SPAG16: variants seen among roughly 807,000 people sequenced by gnomAD.
The protein encoded by SPAG16 is sperm-associated antigen 16 protein.
In SPAG16, 86 loss-of-function variants were observed where a neutral mutation model predicts 80.4. The observed-to-expected ratio is 1.07, with a 90% CI of 0.90 to 1.28. The LOEUF (loss-of-function observed/expected upper bound fraction) is 1.28, where lower values mean the gene tolerates loss of function less well. SPAG16 is among the 50% of genes most tolerant of loss of function. The probability of loss-of-function intolerance (pLI) is 0.00; values close to 1 mark genes in which losing one functional copy is unlikely to be tolerated. For synonymous variants in SPAG16, 294 were observed against 265.9 expected, an observed-to-expected ratio of 1.11 and a Z score of -1.03; for missense variants, 870 against 765.3, an observed-to-expected ratio of 1.14 and a Z score of -1.61.
At chr2:213,975,458 T>C (rs2045319502) in intron 12 of SPAG16, among the ~76,000 whole-genome samples, 1 of 151,810 alleles carries the variant, frequency 6.6e-6, no homozygotes, top group African/African-American at 2.4e-5. Context: ...ATAATTTTAA[T>C]ATGTAATTAT....
At chr2:214,065,173 A>C (rs2050473816) in intron 13 of SPAG16, among the ~76,000 whole-genome samples, 1 of 152,092 alleles carries the variant, frequency 6.6e-6, no homozygotes, top group Non-Finnish European at 1.5e-5. Flanking sequence ...TAGAATCAAC[A>C]CTTATATATT....
chr2:214,395,461 T>A (rs995341003), intron 15 of SPAG16, among the ~76,000 whole-genome samples: 1 of 152,212 alleles, frequency 6.6e-6, no homozygotes, highest in African/African-American at 2.4e-5. Context: ...TCTTTTCATA[T>A]GCTTATTCAC....
At chr2:213,907,385 T>C (rs145420888) in intron 11 of SPAG16, among the ~76,000 whole-genome samples, 300 of 151,992 alleles carry the variant, frequency 2.0e-3, no homozygotes, top group African/African-American at 6.9e-3. Flanking sequence ...ATAAAAATGC[T>C]GGTGAGAATG....
At chr2:213,672,833 TTTTG>T (rs1553606271) in intron 10 of SPAG16, among the ~76,000 whole-genome samples, 1 of 151,580 alleles carries the variant, frequency 6.6e-6, no homozygotes, top group Non-Finnish European at 1.5e-5. Context: ...ATCAGTTTTT[TTTTG>T]TTTGTTTGTT....
intron 11 of SPAG16, among the ~76,000 whole-genome samples, chr2:213,867,311 G>T (rs549365235): frequency 2.6e-5 from 4 of 152,136 alleles, no homozygotes; most frequent in Non-Finnish European, 5.9e-5. Context: ...ATCAATGCAG[G>T]GAATGTGCAT....
At chr2:213,349,216 TTAAATGCTTATTTTAGAAAA>T (rs1373846580) in intron 6 of SPAG16, among the ~76,000 whole-genome samples, 12 of 152,220 alleles carry the variant, frequency 7.9e-5, no homozygotes, top group African/African-American at 2.9e-4. Context: ...ATTGATGGCT[TTAAATGCTTATTTTAGAAAA>T]TAAAGTTTTA....
chr2:214,064,338 A>G (rs2050429529), intron 13 of SPAG16, among the ~76,000 whole-genome samples: 1 of 152,120 alleles, frequency 6.6e-6, no homozygotes, highest in Non-Finnish European at 1.5e-5. Context: ...TAATTTAAAA[A>G]TACTTATAGG....
intron 12 of SPAG16, among the ~76,000 whole-genome samples, chr2:213,949,360 C>G (rs1342535881): frequency 6.6e-6 from 1 of 151,504 alleles, no homozygotes; most frequent in Non-Finnish European, 1.5e-5. Flanking sequence ...GTAGAGATGG[C>G]ATTTCACCAT....
At chr2:213,565,869 G>T (rs73988550) in intron 10 of SPAG16, among the ~76,000 whole-genome samples, 1 of 152,180 alleles carries the variant, frequency 6.6e-6, no homozygotes, top group African/African-American at 2.4e-5. Flanking sequence ...TCAAAGCAAT[G>T]ATAACGATTG....
intron 13 of SPAG16, among the ~76,000 whole-genome samples, chr2:214,059,186 CTATATA>C (rs36006046): frequency 7.4e-4 from 85 of 114,360 alleles, no homozygotes; most frequent in African/African-American, 2.3e-3. Context: ...CTCTCTCTGT[CTATATA>C]TATATATATA....
chr2:213,412,180 C>G (rs1478121632), intron 9 of SPAG16, among the ~76,000 whole-genome samples: 2 of 152,146 alleles, frequency 1.3e-5, no homozygotes, highest in Non-Finnish European at 2.9e-5. Context: ...CTAACTCATT[C>G]CAATTACCTG....
At chr2:213,363,026 A>C (rs2066073437) in intron 7 of SPAG16, among the ~76,000 whole-genome samples, 1 of 149,586 alleles carries the variant, frequency 6.7e-6, no homozygotes, top group East Asian at 2.0e-4. Flanking sequence ...CCTAAAAACT[A>C]GTTGTAAGGT....
At chr2:213,734,361 C>A (rs2067193242) in intron 10 of SPAG16, among the ~76,000 whole-genome samples, 2 of 152,176 alleles carry the variant, frequency 1.3e-5, no homozygotes, top group Middle Eastern at 3.4e-3. Context: ...TCTCTCCCCA[C>A]CAAACCAAGA....
At chr2:213,860,592 G>T (rs764967023) in intron 10 of SPAG16, among the ~76,000 whole-genome samples, 13 of 151,634 alleles carry the variant, frequency 8.6e-5, no homozygotes, top group Non-Finnish European at 1.3e-4. Context: ...TGGAATAGGA[G>T]TCCAAGTTGT....
At chr2:213,584,525 T>A (rs549088757) in intron 10 of SPAG16, among the ~76,000 whole-genome samples, 1 of 151,978 alleles carries the variant, frequency 6.6e-6, no homozygotes, top group South Asian at 2.1e-4. Context: ...ACTATTTGAT[T>A]GAGGTAGTAT....
At chr2:214,314,935 G>A (rs1366222668) in intron 15 of SPAG16, among the ~76,000 whole-genome samples, 1 of 150,494 alleles carries the variant, frequency 6.6e-6, no homozygotes, top group Non-Finnish European at 1.5e-5. Flanking sequence ...TAGTGGAGAA[G>A]GTTAAACCAA....
intron 12 of SPAG16, among the ~76,000 whole-genome samples, chr2:213,953,851 A>G (rs923346274): frequency 2.6e-5 from 4 of 152,066 alleles, no homozygotes; most frequent in Non-Finnish European, 2.9e-5. Flanking sequence ...AAATGAACCA[A>G]AAGATTGTAT....
At chr2:213,932,226 T>G (rs917941988) in intron 12 of SPAG16, among the ~76,000 whole-genome samples, 13 of 147,318 alleles carry the variant, frequency 8.8e-5, no homozygotes, top group Admixed American at 2.1e-4. Flanking sequence ...TGTTGTTGTT[T>G]TTAAGACTGA....
At chr2:214,078,011 A>G (rs2051168249) in intron 13 of SPAG16, among the ~76,000 whole-genome samples, 1 of 152,094 alleles carries the variant, frequency 6.6e-6, no homozygotes, top group Admixed American at 6.5e-5. Flanking sequence ...ATTAATCCTT[A>G]CTTTAGCCTC....
Sources: gnomAD v4.1 joint callset for allele counts (sites outside exome capture counted in the v4.1 genomes callset) on GRCh38, gnomAD v4.1.1 for gene constraint, MANE v1.5 for transcripts, NCBI Gene and HGNC (gene_info 2026-07-23, HGNC 2026-07-21) for gene names.